CSMD1: variants seen among roughly 807,000 people sequenced by gnomAD.
The protein encoded by CSMD1 is CUB and Sushi multiple domains 1, also known as CUB and sushi domain-containing protein 1.
In CSMD1, 213 loss-of-function variants were observed where a neutral mutation model predicts 417.5. The ratio of observed to expected loss-of-function variants is 0.51; its 90% CI spans 0.46 to 0.57. The LOEUF (loss-of-function observed/expected upper bound fraction) is 0.57, where lower values mean the gene tolerates loss of function less well. Ranked by LOEUF, CSMD1 falls within the 20% of genes least tolerant of loss-of-function variation. The pLI, the probability that CSMD1 is intolerant of heterozygous loss-of-function variation, is 0.00. For synonymous variants in CSMD1, 2,862 were observed against 1,736.8 expected, an observed-to-expected ratio of 1.65 and a Z score of -16.11; for missense variants, 6,923 against 4,529.7, an observed-to-expected ratio of 1.53 and a Z score of -15.17.
intron 3 of CSMD1, among the ~76,000 whole-genome samples, chr8:4,179,703 A>G (rs1465118541): frequency 6.6e-6 from 1 of 151,796 alleles, no homozygotes; most frequent in Non-Finnish European, 1.5e-5. Context: ...AATATCCAGA[A>G]TCTACAATGA....
At chr8:4,168,454 G>T (rs577862016) in intron 3 of CSMD1, among the ~76,000 whole-genome samples, 1 of 151,706 alleles carries the variant, frequency 6.6e-6, no homozygotes, top group South Asian at 2.1e-4. Flanking sequence ...GCAATATAAC[G>T]TATTTTTAGA....
intron 3 of CSMD1, among the ~76,000 whole-genome samples, chr8:4,316,765 A>G (rs1379552993): frequency 1.3e-5 from 2 of 152,020 alleles, no homozygotes; most frequent in Admixed American, 1.3e-4. Flanking sequence ...CGCCCCCAAA[A>G]CCCTTTTCAA....
intron 49 of CSMD1, among the ~76,000 whole-genome samples, chr8:3,059,940 C>A (rs1274867248): frequency 6.6e-6 from 1 of 151,992 alleles, no homozygotes; most frequent in African/African-American, 2.4e-5. Context: ...GCAGTGGGAT[C>A]GTGAGGCACA....
chr8:3,865,279 T>C (rs577615210), intron 5 of CSMD1, among the ~76,000 whole-genome samples: 2 of 152,328 alleles, frequency 1.3e-5, no homozygotes, highest in South Asian at 4.1e-4. Context: ...CTGCCTCACA[T>C]CTCAGAGAGC....
At chr8:3,398,214 C>G (rs1364432579) in intron 16 of CSMD1, among the ~76,000 whole-genome samples, 1 of 152,150 alleles carries the variant, frequency 6.6e-6, no homozygotes, top group Non-Finnish European at 1.5e-5. Flanking sequence ...CGTGCTTCAG[C>G]TCCGCCTGCC....
chr8:4,789,996 A>G (rs1417737779), intron 1 of CSMD1, among the ~76,000 whole-genome samples: 1 of 152,196 alleles, frequency 6.6e-6, no homozygotes, highest in African/African-American at 2.4e-5. Context: ...GTGCAACTCA[A>G]TGGAGGCCAA....
At chr8:4,861,500 C>T (rs1802129193) in intron 1 of CSMD1, among the ~76,000 whole-genome samples, 1 of 151,926 alleles carries the variant, frequency 6.6e-6, no homozygotes, top group Admixed American at 6.6e-5. Flanking sequence ...GATGTGTCTG[C>T]GATTTAGTGT....
intron 5 of CSMD1, among the ~76,000 whole-genome samples, chr8:3,860,960 C>G (rs1279059750): frequency 1.3e-5 from 2 of 152,126 alleles, no homozygotes; most frequent in Non-Finnish European, 2.9e-5. Flanking sequence ...ATACTTCATG[C>G]AAAATGAAAT....
chr8:3,930,162 G>A (rs1401322385), intron 5 of CSMD1, among the ~76,000 whole-genome samples: 1 of 150,040 alleles, frequency 6.7e-6, no homozygotes, highest in African/African-American at 2.5e-5. Context: ...CTCTATTCCA[G>A]TGAGAACATC....
chr8:3,290,571 T>A (rs991795269), intron 25 of CSMD1, among the ~76,000 whole-genome samples: 1 of 146,516 alleles, frequency 6.8e-6, no homozygotes, highest in Non-Finnish European at 1.5e-5. Flanking sequence ...CTAGGTATTT[T>A]GTTCTCTTTG....
intron 10 of CSMD1, among the ~76,000 whole-genome samples, chr8:3,552,190 G>GCA (rs1798945365): frequency 6.6e-6 from 1 of 151,748 alleles, no homozygotes; most frequent in Non-Finnish European, 1.5e-5. Context: ...ACAGAGTACT[G>GCA]TCTGTGGAAA....
At chr8:4,299,480 T>A (rs1259088375) in intron 3 of CSMD1, among the ~76,000 whole-genome samples, 1 of 152,188 alleles carries the variant, frequency 6.6e-6, no homozygotes, top group African/African-American at 2.4e-5. Context: ...AACAGATACT[T>A]ACTCAATAGC....
rs77282153 is a variant in CSMD1, at chr8:4,440,591, G to A, written c.303-20526C>T. On this transcript the variant is annotated intron_variant, in intron 2 of 69. Transcript: ENST00000635120. ...TTTCAAAGATGCAAAACCAACTTTA[G>A]CATTTTCTCTGGAAAGATAGGTAGT... Among the ~76,000 whole-genome samples the A allele has an allele frequency of 2.0e-5, 3 of 152,274 alleles. No homozygotes were observed. The South Asian group carries it at 6.2e-4, about 32-fold the overall frequency.
rs140811364 is a variant in CSMD1 at position 3,179,772 on chromosome 8, A to T, written c.5725+1338T>A. Among the ~76,000 whole-genome samples the T allele has an allele frequency of 6.2e-4, 94 of 152,360 alleles. 3 individuals carry two copies. The East Asian group carries it at 0.012, about 20-fold the overall frequency. ...TTCTATCTACAGAGAGTCACAAAGTATATCAAAGTAGCAGATTTTCCAGAC... is the reference window on the plus strand; with the variant it reads ...TTCTATCTACAGAGAGTCACAAAGTTTATCAAAGTAGCAGATTTTCCAGAC... On this transcript the variant is annotated intron_variant, in intron 37 of 69. Coordinates refer to ENST00000635120, the MANE Select transcript of CSMD1 (RefSeq NM_033225.6).
intron 12 of CSMD1, among the ~76,000 whole-genome samples, chr8:3,467,183 T>G (rs1180980096): frequency 6.6e-6 from 1 of 152,218 alleles, no homozygotes; most frequent in Non-Finnish European, 1.5e-5. Flanking sequence ...TACCTTTTAT[T>G]GGGACTACTT....
chr8:4,097,857 T>A (rs898082498), intron 3 of CSMD1, among the ~76,000 whole-genome samples: 1 of 152,224 alleles, frequency 6.6e-6, no homozygotes, highest in Non-Finnish European at 1.5e-5. Flanking sequence ...TCTATTACAC[T>A]ACTGTGTGAC....
intron 4 of CSMD1, among the ~76,000 whole-genome samples, chr8:4,025,879 G>C (rs549994098): frequency 6.6e-6 from 1 of 151,870 alleles, no homozygotes; most frequent in African/African-American, 2.4e-5. Context: ...GAACATCACG[G>C]CTACATATAT....
chr8:3,598,650 T>C (rs570799502), intron 8 of CSMD1, among the ~76,000 whole-genome samples: 3 of 152,330 alleles, frequency 2.0e-5, no homozygotes, highest in South Asian at 2.1e-4. Context: ...TTGCTCATTT[T>C]GCTAAGGAAA....
At chr8:3,856,488 AG>A (rs1196733896) in intron 5 of CSMD1, among the ~76,000 whole-genome samples, 2 of 152,172 alleles carry the variant, frequency 1.3e-5, no homozygotes, top group African/African-American at 4.8e-5. Flanking sequence ...TTAATTGGTG[AG>A]GAGGAGAACT....
Sources: gnomAD v4.1 joint callset for allele counts (sites outside exome capture counted in the v4.1 genomes callset) on GRCh38, gnomAD v4.1.1 for gene constraint, MANE v1.5 for transcripts, NCBI Gene and HGNC (gene_info 2026-07-23, HGNC 2026-07-21) for gene names.